HIF1A: variants seen among roughly 807,000 people sequenced by gnomAD.
HIF1A encodes hypoxia inducible factor 1 subunit alpha, also known as hypoxia-inducible factor 1-alpha.
A neutral mutation model predicts 92.7 loss-of-function variants in HIF1A; 24 were observed. The ratio of observed to expected loss-of-function variants is 0.26; its 90% CI spans 0.19 to 0.36. The LOEUF (loss-of-function observed/expected upper bound fraction) is 0.36, where lower values mean the gene tolerates loss of function less well. Among genes scored for constraint, HIF1A ranks in the 10% least tolerant of loss-of-function variants. The pLI, the probability that HIF1A is intolerant of heterozygous loss-of-function variation, is 1.00. For missense variants in HIF1A, 799 were observed against 998.5 expected (o/e 0.80, Z 2.69); for synonymous variants, 319 against 338.7 (o/e 0.94, Z 0.64).
chr14:61,700,867 T>C (rs2044169844), intron 1 of HIF1A, among the ~76,000 whole-genome samples: 1 of 152,222 alleles, frequency 6.6e-6, no homozygotes, highest in Non-Finnish European at 1.5e-5. Context: ...AGCCATCTAA[T>C]ATGTTGAAGT....
intron 12 of HIF1A, among the ~76,000 whole-genome samples, chr14:61,741,732 A>G (rs1297346649): frequency 1.3e-5 from 2 of 152,160 alleles, no homozygotes; most frequent in African/African-American, 2.4e-5. Flanking sequence ...GGGTCTTCTG[A>G]CACCTTTAAA....
At position 61,736,931 on chromosome 14, in the gene HIF1A, A is replaced by T. The variant is rs1364636234; in HGVS notation, c.1071A>T (p.Thr357=). 31 of 1,613,968 alleles carry T rather than the reference A, an allele frequency of 1.9e-5. No homozygotes were observed. Among genetic ancestry groups the T allele is most frequent in the Non-Finnish European group, 2.4e-5 (28 of 1,179,934 alleles). Residue 357 remains threonine, a synonymous_variant, in exon 9 of 15, where the codon ACA becomes ACT. Transcript: ENST00000337138. Reference sequence around the variant, plus strand: ...ACTTGATTTTCTCCCTTCAACAAACAGAATGTGTCCTTAAACCGGTTGAAT... The same window carrying T: ...ACTTGATTTTCTCCCTTCAACAAACTGAATGTGTCCTTAAACCGGTTGAAT... ...QHDLIFSLQQ[T]ECVLKPVESS... is the part of the protein sequence containing the mutation.
At chr14:61,716,847 AACTACAAT>A (rs2044369935) in intron 1 of HIF1A, 1 of 152,198 alleles carries the variant, frequency 6.6e-6, no homozygotes, top group African/African-American at 2.4e-5. Context: ...AGCATGTAAA[AACTACAAT>A]ACCACAAAGA....
intron 4 of HIF1A, among the ~76,000 whole-genome samples, chr14:61,723,955 A>C (rs1035246522): frequency 3.9e-5 from 6 of 152,330 alleles, no homozygotes; most frequent in Admixed American, 3.9e-4. Context: ...GCAAAGCATC[A>C]CATTTTAGTG....
At chr14:61,742,378 C>T (rs921650823) in intron 12 of HIF1A, among the ~76,000 whole-genome samples, 1 of 152,162 alleles carries the variant, frequency 6.6e-6, no homozygotes, top group African/African-American at 2.4e-5. Context: ...CTAACATTCC[C>T]ACCTTGACCT....
At chr14:61,724,382 C>CTCTCTCTCTCTCTCTCT (rs1209295569) in intron 4 of HIF1A, among the ~76,000 whole-genome samples, 2 of 30,148 alleles carry the variant, frequency 6.6e-5, no homozygotes, top group Admixed American at 5.4e-4. Context: ...TCTCTCTCTC[C>CTCTCTCTCTCTCTCTCT]CCCTCCCTCC....
intron 12 of HIF1A, among the ~76,000 whole-genome samples, chr14:61,741,736 C>T (rs1566577978): frequency 6.6e-6 from 1 of 152,068 alleles, no homozygotes; most frequent in African/African-American, 2.4e-5. Flanking sequence ...CTTCTGACAC[C>T]TTTAAAATAA....
intron 4 of HIF1A, among the ~76,000 whole-genome samples, chr14:61,725,073 C>T (rs572743477): frequency 5.3e-5 from 8 of 152,248 alleles, no homozygotes; most frequent in African/African-American, 1.9e-4. Flanking sequence ...CTTACTTCTC[C>T]TTGGAATACC....
chr14:61,722,081 A>G (rs2044437563), intron 4 of HIF1A, among the ~76,000 whole-genome samples: 1 of 124,902 alleles, frequency 8.0e-6, no homozygotes, highest in East Asian at 2.5e-4. Context: ...GAGAGTTACA[A>G]ATAACTTTTT....
rs1321232376 is a variant in HIF1A at position 61,695,856 on chromosome 14, G to T, written c.35+17G>T. The stretch of plus-strand genomic sequence containing the variant: ...CAAGAAAAAGTAAGCCCATTCCCTC[G>T]GCCCGCCGCCTTCTCCCCCGGCGAC... On this transcript the variant is annotated intron_variant, in intron 1 of 14. Coordinates refer to ENST00000337138, the MANE Select transcript of HIF1A (RefSeq NM_001530.4). 6.4e-7 allele frequency: 1 copy of T among 1,564,520 alleles called. No homozygotes were observed. The highest frequency in any genetic ancestry group is 8.7e-7 in the Non-Finnish European group (1 of 1,154,880).
chr14:61,736,781 G>A (rs1401789330), intron 8 of HIF1A, 108 bp from the exon 9 acceptor site: 6 of 697,302 alleles, frequency 8.6e-6, no homozygotes, highest in African/African-American at 1.8e-5. Context: ...ATCTTGAAAT[G>A]TTCCTGTCCA....
chr14:61,722,269 G>T (rs2044441273), intron 4 of HIF1A, among the ~76,000 whole-genome samples: 1 of 152,066 alleles, frequency 6.6e-6, no homozygotes, highest in East Asian at 1.9e-4. Context: ...AAAATTATTT[G>T]TAGAGACAAA....
chr14:61,719,841 A>G (rs1276872596), intron 1 of HIF1A, among the ~76,000 whole-genome samples: 1 of 152,178 alleles, frequency 6.6e-6, no homozygotes, highest in East Asian at 1.9e-4. Context: ...GTCAGTTCCT[A>G]TAGCTTATCG....
chr14:61,697,264 A>C (rs1199939232), intron 1 of HIF1A, among the ~76,000 whole-genome samples: 1 of 152,226 alleles, frequency 6.6e-6, no homozygotes. Context: ...GTGAGCAAAC[A>C]GGTCTAGATT....
chr14:61,741,139 A>G lies in HIF1A; in HGVS notation c.2044A>G (p.Lys682Glu). The G allele has an allele frequency of 6.2e-7, 1 of 1,612,872 alleles. No individual in the cohort carries two copies. The highest frequency in any genetic ancestry group is 1.7e-4 in the Middle Eastern group (1 of 6,056). Residue 682 changes from lysine (K) to glutamate (E), a missense_variant, in exon 12 of 15, where the codon AAA (lysine) becomes GAA (glutamate). Coordinates refer to ENST00000337138, the MANE Select transcript of HIF1A (RefSeq NM_001530.4). ...AAAAGGAGTCATAGAACAGACAGAA[A>G]AATCTCATCCAAGAAGCCCTAACGT... is the stretch of plus-strand genomic sequence containing the variant. ...AGKGVIEQTE[K>E]SHPRSPNVLS... is the part of the protein sequence containing the mutation.
At chr14:61,698,452 G>A (rs554390408) in intron 1 of HIF1A, among the ~76,000 whole-genome samples, 27 of 152,288 alleles carry the variant, frequency 1.8e-4, no homozygotes, top group African/African-American at 6.0e-4. Flanking sequence ...TATTGTAAAG[G>A]TTAAATGAGA....
intron 4 of HIF1A, among the ~76,000 whole-genome samples, chr14:61,722,454 T>TA (rs549396536): frequency 5.0e-4 from 76 of 152,252 alleles, no homozygotes; most frequent in African/African-American, 1.8e-3. Flanking sequence ...AGGCTGGTCT[T>TA]AAACTCCTGG....
intron 10 of HIF1A, among the ~76,000 whole-genome samples, chr14:61,739,041 A>G (rs1219574326): frequency 1.3e-5 from 2 of 152,144 alleles, no homozygotes; most frequent in Non-Finnish European, 2.9e-5. Context: ...GTGAGCTACC[A>G]TGCCTGGCCC....
At chr14:61,741,331 T>C (rs2044708869) in intron 12 of HIF1A, 143 bp downstream of exon 12, 2 of 558,482 alleles carry the variant, frequency 3.6e-6, no homozygotes, top group Non-Finnish European at 6.2e-6. Flanking sequence ...AAAAACTTTC[T>C]AAATTAACCT....
Sources: allele counts gnomAD v4.1 joint callset (sites outside exome capture counted in the v4.1 genomes callset), GRCh38; gene constraint gnomAD v4.1.1; transcripts MANE v1.5; gene names NCBI Gene and HGNC (gene_info 2026-07-23, HGNC 2026-07-21).